TMEM132B: variants seen among roughly 807,000 people sequenced by gnomAD.
TMEM132B encodes the protein transmembrane protein 132B.
In TMEM132B, 18 loss-of-function variants were observed where a neutral mutation model predicts 90.8. The ratio of observed to expected loss-of-function variants is 0.20; its 90% CI spans 0.14 to 0.29. The LOEUF is 0.29. TMEM132B is among the 10% of genes least tolerant of loss of function. TMEM132B has a pLI of 1.00. For missense variants in TMEM132B, 1,096 were observed against 1,326.8 expected (o/e 0.83, Z 2.70); for synonymous variants, 504 against 523.3 (o/e 0.96, Z 0.50).
intron 5 of TMEM132B, among the ~76,000 whole-genome samples, chr12:125,597,038 A>G (rs1305697220): frequency 6.6e-6 from 1 of 152,230 alleles, no homozygotes; most frequent in East Asian, 1.9e-4. Flanking sequence ...AGCATGCACC[A>G]TGGCTCTGGC....
chr12:125,602,370 T>G (rs1185227733), intron 5 of TMEM132B, among the ~76,000 whole-genome samples: 3 of 152,174 alleles, frequency 2.0e-5, no homozygotes, highest in Non-Finnish European at 4.4e-5. Flanking sequence ...AACTACATGA[T>G]CATCTCAATA....
At chr12:125,612,583 AT>A (rs1272655528) in intron 5 of TMEM132B, among the ~76,000 whole-genome samples, 2 of 145,734 alleles carry the variant, frequency 1.4e-5, no homozygotes, top group Non-Finnish European at 3.0e-5. Flanking sequence ...TAAAATATAT[AT>A]TATATATATA....
chr12:125,497,116 G>T (rs1008022995), intron 3 of TMEM132B, among the ~76,000 whole-genome samples: 1 of 152,164 alleles, frequency 6.6e-6, no homozygotes, highest in Non-Finnish European at 1.5e-5. Context: ...AGCCTGGGCT[G>T]CCCTAAATCT....
intron 2 of TMEM132B, among the ~76,000 whole-genome samples, chr12:125,351,790 G>A (rs991149062): frequency 1.9e-4 from 29 of 152,202 alleles, no homozygotes; most frequent in African/African-American, 6.5e-4. Context: ...CCAGGGCTAG[G>A]AGTCGTAAAA....
chr12:125,315,329 G>C (rs916289192), intron 1 of TMEM132B, among the ~76,000 whole-genome samples: 1 of 152,196 alleles, frequency 6.6e-6, no homozygotes, highest in Non-Finnish European at 1.5e-5. Context: ...CTCCCAAGTA[G>C]CTGGGATTAC....
At chr12:125,315,841 C>T (rs145912487) in intron 1 of TMEM132B, among the ~76,000 whole-genome samples, 105 of 152,266 alleles carry the variant, frequency 6.9e-4, no homozygotes, top group African/African-American at 2.4e-3. Flanking sequence ...CAGTTTGCAG[C>T]CCTTGACGTC....
intron 3 of TMEM132B, among the ~76,000 whole-genome samples, chr12:125,513,333 C>T (rs899638523): frequency 1.3e-5 from 2 of 151,558 alleles, no homozygotes; most frequent in Non-Finnish European, 2.9e-5. Flanking sequence ...TGTGCGTGTG[C>T]GTGTGCCTGT....
intron 1 of TMEM132B, among the ~76,000 whole-genome samples, chr12:125,345,912 T>C (rs907133192): frequency 6.6e-6 from 1 of 152,236 alleles, no homozygotes; most frequent in African/African-American, 2.4e-5. Context: ...GGTGTTACTA[T>C]GTGACATTTT....
At chr12:125,578,064 T>C (rs912132188) in intron 4 of TMEM132B, among the ~76,000 whole-genome samples, 2 of 152,156 alleles carry the variant, frequency 1.3e-5, no homozygotes, top group Non-Finnish European at 2.9e-5. Flanking sequence ...GCAGTAACAA[T>C]GTGTATTCTG....
intron 4 of TMEM132B, among the ~76,000 whole-genome samples, chr12:125,540,530 G>T (rs1305385949): frequency 6.6e-6 from 1 of 152,152 alleles, no homozygotes; most frequent in Non-Finnish European, 1.5e-5. Flanking sequence ...ATATTACATT[G>T]ATTAATTGAA....
intron 3 of TMEM132B, among the ~76,000 whole-genome samples, chr12:125,433,847 C>A (rs138891734): frequency 2.0e-5 from 3 of 151,948 alleles, no homozygotes; most frequent in Non-Finnish European, 4.4e-5. Context: ...TCTTAAAGTT[C>A]GCAATGTAAT....
chr12:125,301,878 C>CAAAACAAAACAAAAG (rs1875833869), intron 1 of TMEM132B: 1 of 12,114 alleles, frequency 8.3e-5, no homozygotes, highest in South Asian at 1.8e-3. Context: ...GACTCCGTCT[C>CAAAACAAAACAAAAG]AAAACAAAAC....
intron 4 of TMEM132B, among the ~76,000 whole-genome samples, chr12:125,526,438 G>T (rs1883464646): frequency 6.6e-6 from 1 of 152,220 alleles, no homozygotes; most frequent in South Asian, 2.1e-4. Context: ...AAACTGGGTG[G>T]CATACACAGA....
At chr12:125,541,811 A>T (rs573690752) in intron 4 of TMEM132B, among the ~76,000 whole-genome samples, 2 of 151,994 alleles carry the variant, frequency 1.3e-5, no homozygotes, top group Non-Finnish European at 1.5e-5. Context: ...CGAGGTCAGG[A>T]GATCGAGACC....
At chr12:125,487,454 G>A (rs1267426073) in intron 3 of TMEM132B, among the ~76,000 whole-genome samples, 1 of 152,200 alleles carries the variant, frequency 6.6e-6, no homozygotes, top group Non-Finnish European at 1.5e-5. Flanking sequence ...GAGTTTCTGA[G>A]CCACATCCAA....
intron 5 of TMEM132B, among the ~76,000 whole-genome samples, chr12:125,639,997 G>A (rs1369688624): frequency 1.3e-5 from 2 of 152,278 alleles, no homozygotes; most frequent in East Asian, 3.9e-4. Context: ...GAGGGCCCGG[G>A]TTCCTTAGCT....
chr12:125,558,356 G>A (rs1319789494), intron 4 of TMEM132B, among the ~76,000 whole-genome samples: 3 of 152,348 alleles, frequency 2.0e-5, no homozygotes, highest in Middle Eastern at 3.4e-3. Context: ...CTGTAAAGTT[G>A]TGAAAGTTTG....
chr12:125,513,539 A>G (rs1411896246), intron 3 of TMEM132B, among the ~76,000 whole-genome samples: 1 of 152,196 alleles, frequency 6.6e-6, no homozygotes, highest in Non-Finnish European at 1.5e-5. Flanking sequence ...GGCAGCCTTC[A>G]AACAAAGACT....
At chr12:125,545,430 C>A (rs928556508) in intron 4 of TMEM132B, among the ~76,000 whole-genome samples, 1 of 152,180 alleles carries the variant, frequency 6.6e-6, no homozygotes, top group Non-Finnish European at 1.5e-5. Context: ...CCGGAACACA[C>A]CAGTGTGGAT....
Sources: allele counts gnomAD v4.1 joint callset (sites outside exome capture counted in the v4.1 genomes callset), GRCh38; gene constraint gnomAD v4.1.1; transcripts MANE v1.5; gene names NCBI Gene and HGNC (gene_info 2026-07-23, HGNC 2026-07-21).